C12orf56: variants seen among roughly 807,000 people sequenced by gnomAD.
C12orf56 encodes the protein chromosome 12 open reading frame 56, also known as uncharacterized protein C12orf56.
In C12orf56, 71 loss-of-function variants were observed where a neutral mutation model predicts 69.9. The ratio of observed to expected loss-of-function variants is 1.02; its 90% CI spans 0.84 to 1.24. The LOEUF (loss-of-function observed/expected upper bound fraction) is 1.24, where lower values mean the gene tolerates loss of function less well. Ranked by LOEUF, C12orf56 falls within the 50% of genes most tolerant of loss-of-function variation. C12orf56 has a pLI of 0.00. For missense variants in C12orf56, 732 were observed against 738.5 expected (o/e 0.99, Z 0.10); for synonymous variants, 276 against 274.1 (o/e 1.01, Z -0.07).
rs567465652 is a variant in C12orf56, at chr12:64,280,858, TG to T, written c.1311-3056del. Among the ~76,000 whole-genome samples, 49 of 152,312 alleles carry T rather than the reference TG, an allele frequency of 3.2e-4. 1 individual carries two copies. The South Asian group carries it at 9.9e-3, about 31-fold the overall frequency. The stretch of plus-strand genomic sequence containing the variant: ...CCTCAACTGAAACCTCGTGAGACCC[TG>T]GGCAAAGGATCCAGTTAAGCTGTGC... On this transcript the variant is annotated intron_variant, in intron 8 of 12. Coordinates refer to ENST00000543942, the MANE Select transcript of C12orf56 (RefSeq NM_001170633.2).
chr12:64,301,060 C>T (rs1234274336), intron 6 of C12orf56, among the ~76,000 whole-genome samples: 1 of 152,170 alleles, frequency 6.6e-6, no homozygotes, highest in African/African-American at 2.4e-5. Context: ...GTAAGACATG[C>T]CTTGCTTCCC....
intron 3 of C12orf56, among the ~76,000 whole-genome samples, chr12:64,326,016 A>G (rs2038834262): frequency 6.6e-6 from 1 of 152,178 alleles, no homozygotes. Flanking sequence ...TCTAGCCAAG[A>G]TGGAGTAATA....
intron 2 of C12orf56, among the ~76,000 whole-genome samples, chr12:64,343,969 AG>A (rs1160887617): frequency 2.0e-5 from 3 of 152,104 alleles, no homozygotes; most frequent in African/African-American, 7.2e-5. Context: ...GGATGAGTCC[AG>A]GGGCCCACTG....
At chr12:64,370,468 G>C (rs1446476012) in intron 1 of C12orf56, among the ~76,000 whole-genome samples, 1 of 151,006 alleles carries the variant, frequency 6.6e-6, no homozygotes, top group Non-Finnish European at 1.5e-5. Context: ...CTGACCAACA[G>C]AGCAAAACCA....
At chr12:64,384,751 C>T (rs1193739650) in intron 1 of C12orf56, among the ~76,000 whole-genome samples, 1 of 152,074 alleles carries the variant, frequency 6.6e-6, no homozygotes, top group South Asian at 2.1e-4. Context: ...CGTATTTGTT[C>T]TCACACTTAA....
chr12:64,390,456 T>C lies in C12orf56; in HGVS notation c.110A>G (p.Glu37Gly). The change falls in exon 1 of 13, where the codon GAG (glutamate) becomes GGG (glycine). Residue 37 changes from glutamate to glycine, a missense_variant. Physicochemically the swap from Glu to Gly is moderately conservative, Grantham distance 98 (BLOSUM62 -2). Coordinates refer to ENST00000543942, the MANE Select transcript of C12orf56 (RefSeq NM_001170633.2). ...AGAGTTGGACACCACGATGCATGGC[T>C]CGTAGGCGCGGACCGCGTCGTAGAC... The part of the protein sequence containing the change: ...PEVYDAVRAY[E>G]PCIVVSNSEN... The C allele has an allele frequency of 6.2e-7, 1 of 1,609,628 alleles. No homozygotes were observed. Among genetic ancestry groups the C allele is most frequent in the Admixed American group, 1.7e-5 (1 of 60,018 alleles).
chr12:64,372,243 C>T (rs2039582034), intron 1 of C12orf56, among the ~76,000 whole-genome samples: 1 of 151,908 alleles, frequency 6.6e-6, no homozygotes, highest in South Asian at 2.1e-4. Context: ...TTCATAAAAC[C>T]CAAGAGTTCA....
chr12:64,363,277 T>C (rs773853327), intron 1 of C12orf56, among the ~76,000 whole-genome samples: 3 of 152,150 alleles, frequency 2.0e-5, no homozygotes, highest in Non-Finnish European at 2.9e-5. Context: ...AAAACAACCA[T>C]GTTACCTGCT....
At chr12:64,306,767 A>G (rs1425982619) in intron 5 of C12orf56, among the ~76,000 whole-genome samples, 2 of 152,208 alleles carry the variant, frequency 1.3e-5, no homozygotes, top group African/African-American at 2.4e-5. Flanking sequence ...TTTGTAAAGC[A>G]CTGGAAAGGC....
intron 3 of C12orf56, among the ~76,000 whole-genome samples, chr12:64,327,340 T>C (rs2038858217): frequency 6.6e-6 from 1 of 152,214 alleles, no homozygotes; most frequent in South Asian, 2.1e-4. Flanking sequence ...CTTGACCATT[T>C]GACAAGTGTG....
intron 11 of C12orf56, 25 bp from the exon 12 acceptor site, chr12:64,270,739 T>G: frequency 6.4e-7 from 1 of 1,560,810 alleles, no homozygotes; most frequent in African/African-American, 1.4e-5. Flanking sequence ...TACAGTTACA[T>G]GTAGGCTGTG....
At chr12:64,306,837 C>T (rs1308630177) in intron 5 of C12orf56, among the ~76,000 whole-genome samples, 1 of 152,144 alleles carries the variant, frequency 6.6e-6, no homozygotes, top group Non-Finnish European at 1.5e-5. Context: ...GCTTGCAGAA[C>T]CATCCCATCT....
intron 2 of C12orf56, among the ~76,000 whole-genome samples, chr12:64,339,064 G>A (rs2039036344): frequency 1.3e-5 from 2 of 152,096 alleles, no homozygotes; most frequent in African/African-American, 4.8e-5. Context: ...GCTTTGTCTT[G>A]TCACAACTCT....
intron 1 of C12orf56, among the ~76,000 whole-genome samples, chr12:64,371,557 G>A (rs1435740588): frequency 2.0e-5 from 3 of 151,412 alleles, no homozygotes; most frequent in Admixed American, 2.0e-4. Context: ...GTGACCAGGT[G>A]TGGTGGTTCA....
intron 10 of C12orf56, 51 bp from the exon 11 acceptor site, chr12:64,275,026 A>G: frequency 7.1e-7 from 1 of 1,417,732 alleles, no homozygotes; most frequent in Non-Finnish European, 9.9e-7. Flanking sequence ...TTCAAGTAGT[A>G]TATAAAAGGA....
rs1469883789 is a variant in C12orf56 at position 64,285,988 on chromosome 12, G to A, written c.1186C>T (p.Leu396=). Residue 396 remains leucine, a synonymous_variant, in exon 7 of 13, where the codon CTA becomes TTA. Coordinates refer to ENST00000543942, the MANE Select transcript of C12orf56 (RefSeq NM_001170633.2). The stretch of plus-strand genomic sequence containing the variant: ...TCAACCCTTTGGCTTTGATTTTGTA[G>A]TGCATTCTTATCCCTAGACTCCGGC... The part of the protein sequence containing the change: ...YLPESRDKNA[L]QNQSQRVDEL... 6.2e-7 allele frequency: 1 copy of A among 1,609,322 alleles called. No homozygotes were observed. Among genetic ancestry groups the A allele is most frequent in the Non-Finnish European group, 8.5e-7 (1 of 1,176,642 alleles).
Position 64,371,906 on chromosome 12 carries a change from T to TC in C12orf56, c.252+18407_252+18408insG, listed in dbSNP as rs1360514140. Among the ~76,000 whole-genome samples the TC allele has an allele frequency of 7.2e-3, 1,057 of 147,730 alleles. 14 individuals carry two copies. Among genetic ancestry groups the TC allele is most frequent in the African/African-American group, 0.024 (980 of 40,578 alleles). On this transcript the variant is annotated intron_variant, in intron 1 of 12. Coordinates refer to ENST00000543942, the MANE Select transcript of C12orf56 (RefSeq NM_001170633.2). ...ATATTGGTCTTGGCAATGATTTCTT[T>TC]TTTTTTTTTTTTTTTTTTGCACGCA...
At chr12:64,356,820 T>C (rs960702086) in intron 1 of C12orf56, among the ~76,000 whole-genome samples, 5 of 152,178 alleles carry the variant, frequency 3.3e-5, no homozygotes, top group African/African-American at 1.2e-4. Flanking sequence ...AACATACTGA[T>C]TCCTTGAAGA....
intron 2 of C12orf56, among the ~76,000 whole-genome samples, chr12:64,332,767 G>C (rs1265785606): frequency 1.3e-5 from 2 of 152,184 alleles, no homozygotes; most frequent in Non-Finnish European, 2.9e-5. Flanking sequence ...ATTTGTTCTT[G>C]AGAGACAGGG....
Sources: gnomAD v4.1 joint callset for allele counts (sites outside exome capture counted in the v4.1 genomes callset) on GRCh38, gnomAD v4.1.1 for gene constraint, MANE v1.5 for transcripts, NCBI Gene and HGNC (gene_info 2026-07-23, HGNC 2026-07-21) for gene names.